The following MYLK variants were observed in gnomAD, a reference collection of about 807,000 sequenced individuals.
MYLK encodes the protein myosin light chain kinase.
Under a neutral mutation model 203.4 loss-of-function variants are expected in MYLK, and 106 were observed. The observed-to-expected ratio is 0.52, with a 90% CI of 0.45 to 0.61. MYLK has a LOEUF of 0.61. Among genes scored for constraint, MYLK ranks in the 20% least tolerant of loss-of-function variants. The probability of loss-of-function intolerance (pLI) is 0.00; values close to 1 mark genes in which losing one functional copy is unlikely to be tolerated. For synonymous variants in MYLK, 867 were observed against 959.5 expected (o/e 0.90, Z 1.78); for missense variants, 2,072 against 2,442.3 (o/e 0.85, Z 3.20).
chr3:123,688,451 T>A (rs1255531316), intron 19 of MYLK, among the ~76,000 whole-genome samples: 1 of 150,998 alleles, frequency 6.6e-6, no homozygotes, highest in East Asian at 2.0e-4. Flanking sequence ...GCCAAAGAGG[T>A]TATGAATCTG....
chr3:123,788,686 TGTATA>T (rs1408868047), intron 4 of MYLK, among the ~76,000 whole-genome samples: 4 of 152,110 alleles, frequency 2.6e-5, no homozygotes, highest in Admixed American at 6.5e-5. Context: ...GATACACTAT[TGTATA>T]AAGTGGAAAC....
At chr3:123,622,661 A>G (rs1417575583) in intron 31 of MYLK, 2 of 152,262 alleles carry the variant, frequency 1.3e-5, no homozygotes, top group African/African-American at 4.8e-5. Flanking sequence ...CATAGGGAGA[A>G]CTTTTCTAAA....
At chr3:123,840,978 G>C (rs1363807848) in intron 2 of MYLK, among the ~76,000 whole-genome samples, 3 of 152,098 alleles carry the variant, frequency 2.0e-5, no homozygotes, top group Admixed American at 2.0e-4. Context: ...GGTAATGTTA[G>C]AAGATGGAGT....
At chr3:123,751,327 T>G (rs2063185163) in intron 5 of MYLK, among the ~76,000 whole-genome samples, 1 of 152,196 alleles carries the variant, frequency 6.6e-6, no homozygotes. Flanking sequence ...GCAAAAAATA[T>G]TTTACTTATG....
At chr3:123,614,774 G>A (rs142094844) in intron 33 of MYLK, among the ~76,000 whole-genome samples, 1 of 151,198 alleles carries the variant, frequency 6.6e-6, no homozygotes, top group Non-Finnish European at 1.5e-5. Flanking sequence ...CTATAGGCAT[G>A]AGCGACCGTG....
At chr3:123,630,727 T>C (rs930217669) in intron 29 of MYLK, 1 of 152,244 alleles carries the variant, frequency 6.6e-6, no homozygotes, top group Non-Finnish European at 1.5e-5. Flanking sequence ...CTGGGTTCCC[T>C]CCACTGCCTT....
At chr3:123,712,877 G>A (rs1434511584) in intron 13 of MYLK, among the ~76,000 whole-genome samples, 1 of 152,216 alleles carries the variant, frequency 6.6e-6, no homozygotes, top group Non-Finnish European at 1.5e-5. Context: ...AGCCTAGCAT[G>A]AGAACTGACT....
chr3:123,708,613 C>T, intron 15 of MYLK, 85 bp downstream of exon 15: 1 of 1,513,134 alleles, frequency 6.6e-7, no homozygotes, highest in Middle Eastern at 1.7e-4. Context: ...AAAGTAGCCT[C>T]ATGTGGTTTC....
intron 3 of MYLK, among the ~76,000 whole-genome samples, chr3:123,819,133 T>G (rs543370501): frequency 6.6e-6 from 1 of 152,340 alleles, no homozygotes; most frequent in South Asian, 2.1e-4. Context: ...GATGCAACAG[T>G]TGGGAGACCA....
intron 4 of MYLK, among the ~76,000 whole-genome samples, chr3:123,771,289 C>A (rs2063873571): frequency 6.6e-6 from 1 of 152,154 alleles, no homozygotes; most frequent in Non-Finnish European, 1.5e-5. Context: ...GCATCTACTT[C>A]TTTCAAGATC....
intron 4 of MYLK, among the ~76,000 whole-genome samples, chr3:123,753,401 C>T (rs927455425): frequency 1.3e-5 from 2 of 151,962 alleles, no homozygotes; most frequent in South Asian, 2.1e-4. Flanking sequence ...CTTTCTCTAA[C>T]TGTAGTTAGC....
At chr3:123,620,379 G>T (rs376908563) in intron 31 of MYLK, 43 bp from the exon 32 acceptor site, 5 of 1,613,234 alleles carry the variant, frequency 3.1e-6, no homozygotes, top group African/African-American at 2.7e-5. Flanking sequence ...GTTGTCCCTG[G>T]TTCCAGCTGG....
chr3:123,776,042 C>T (rs2064064805), intron 4 of MYLK, among the ~76,000 whole-genome samples: 2 of 152,192 alleles, frequency 1.3e-5, no homozygotes, highest in African/African-American at 4.8e-5. Context: ...CATTACCGGT[C>T]TCAGCTCTCA....
At chr3:123,682,116 C>T in intron 20 of MYLK, 108 bp downstream of exon 20, 1 of 843,798 alleles carries the variant, frequency 1.2e-6, no homozygotes, top group Non-Finnish European at 2.0e-6. Context: ...TCCAGGGATT[C>T]AGGCAAGAGT....
At chr3:123,791,925 C>T (rs2064798538) in intron 4 of MYLK, among the ~76,000 whole-genome samples, 1 of 152,220 alleles carries the variant, frequency 6.6e-6, no homozygotes, top group Non-Finnish European at 1.5e-5. Context: ...TATCTATCAA[C>T]TTTTCTTCTT....
chr3:123,801,251 A>G (rs2065185407), intron 3 of MYLK, among the ~76,000 whole-genome samples: 1 of 152,188 alleles, frequency 6.6e-6, no homozygotes, highest in African/African-American at 2.4e-5. Flanking sequence ...ACCTCAAGGG[A>G]CCCTGGAAGA....
chr3:123,773,560 T>G (rs1386834799), intron 4 of MYLK, among the ~76,000 whole-genome samples: 1 of 152,206 alleles, frequency 6.6e-6, no homozygotes, highest in Non-Finnish European at 1.5e-5. Flanking sequence ...ATATTTGTCT[T>G]CAAGAAAATT....
At chr3:123,798,281 G>A (rs935695893) in intron 3 of MYLK, among the ~76,000 whole-genome samples, 8 of 152,056 alleles carry the variant, frequency 5.3e-5, no homozygotes, top group African/African-American at 1.7e-4. Flanking sequence ...CTGGCTTCTC[G>A]GAGGCCCCCA....
intron 16 of MYLK, among the ~76,000 whole-genome samples, chr3:123,702,551 C>G (rs764928472): frequency 2.0e-5 from 3 of 152,204 alleles, no homozygotes; most frequent in Non-Finnish European, 4.4e-5. Flanking sequence ...TGGATGTGGC[C>G]GTCTCACTAG....
Sources: allele counts gnomAD v4.1 joint callset (sites outside exome capture counted in the v4.1 genomes callset), GRCh38; gene constraint gnomAD v4.1.1; transcripts MANE v1.5; gene names NCBI Gene and HGNC (gene_info 2026-07-23, HGNC 2026-07-21).